Variants in ZNF746 observed in about 807,000 individuals in gnomAD.
The protein encoded by ZNF746 is parkin-interacting substrate.
ZNF746 carries 13 observed loss-of-function variants against 41.0 expected under a neutral mutation model. That is an observed-to-expected ratio of 0.32 (90% CI 0.21 to 0.50). The LOEUF is 0.50. Among genes scored for constraint, ZNF746 ranks in the 20% least tolerant of loss-of-function variants. The probability of loss-of-function intolerance (pLI) is 0.98; values close to 1 mark genes in which losing one functional copy is unlikely to be tolerated. For missense variants in ZNF746, 811 were observed against 922.9 expected, an observed-to-expected ratio of 0.88 and a Z score of 1.57; for synonymous variants, 424 against 396.2, an observed-to-expected ratio of 1.07 and a Z score of -0.83.
chr7:149,492,545 C>A (rs75285834), intron 4 of ZNF746, among the ~76,000 whole-genome samples: 1 of 152,152 alleles, frequency 6.6e-6, no homozygotes, highest in Non-Finnish European at 1.5e-5. Flanking sequence ...CTGGCCCCTG[C>A]GTTAAGGGTC....
chr7:149,497,190 C>G lies in ZNF746; in HGVS notation c.24+323G>C, dbSNP rs1044224248. ...CCGAGCGCCAGGCAGAGAAAGGAGCCGCGGGTGGGGGGGCACCCAGAAGGA... is the reference window on the plus strand; with the variant it reads ...CCGAGCGCCAGGCAGAGAAAGGAGCGGCGGGTGGGGGGGCACCCAGAAGGA... On this transcript the variant is annotated intron_variant, in intron 1 of 6. Transcript: ENST00000458143. The surrounding 1 kb of genome is among the most constrained non-coding windows in gnomAD (Gnocchi z 4.2). 8.1e-6 allele frequency: 8 copies of G among 985,110 alleles called. No homozygotes were observed. In the African/African-American group the frequency reaches 1.4e-4, roughly 17 times the overall value. The allele number at this position is 985,110 out of a possible 1,614,324, so 61.0% of individuals were successfully genotyped here. A position where few individuals can be genotyped will look rare whatever the true frequency, so the allele number is the denominator to read the frequency against.
intron 3 of ZNF746, among the ~76,000 whole-genome samples, chr7:149,493,208 C>T (rs1273337604): frequency 6.6e-6 from 1 of 152,114 alleles, no homozygotes; most frequent in Admixed American, 6.5e-5. Flanking sequence ...CCTGAGAGGC[C>T]AGGGCTGCTG....
At chr7:149,495,810 G>T (rs1240669896) in intron 1 of ZNF746, among the ~76,000 whole-genome samples, 1 of 152,184 alleles carries the variant, frequency 6.6e-6, no homozygotes, top group African/African-American at 2.4e-5. Context: ...TATCTATTTG[G>T]AAGGAAGCAG....
At chr7:149,482,470 T>TG (rs1413325040) in intron 4 of ZNF746, among the ~76,000 whole-genome samples, 4 of 151,442 alleles carry the variant, frequency 2.6e-5, no homozygotes, top group African/African-American at 9.7e-5. Flanking sequence ...TTCTAAGGTT[T>TG]TTTTTTTTTT....
intron 1 of ZNF746, among the ~76,000 whole-genome samples, chr7:149,496,659 G>A (rs61441007): frequency 0.018 from 2,723 of 152,218 alleles, 66 homozygotes; most frequent in South Asian, 0.077. Context: ...AGCTGGGCCT[G>A]AAATCCTAGC....
At chr7:149,479,270 A>G (rs1448645145) in intron 4 of ZNF746, among the ~76,000 whole-genome samples, 1 of 152,196 alleles carries the variant, frequency 6.6e-6, no homozygotes. Flanking sequence ...AAAAACCTTA[A>G]AAGGTACCCA....
Position 149,497,081 on chromosome 7 carries a change from G to A in ZNF746, c.24+432C>T. 7.1e-6 allele frequency: 7 copies of A among 985,382 alleles called. No homozygotes were observed. The highest frequency in any genetic ancestry group is 8.4e-6 in the Non-Finnish European group (7 of 829,908). The allele number at this position is 985,382 out of a possible 1,614,324, so 61.0% of individuals were successfully genotyped here. ...ACCCCGGGAAGCTGGGCACGTAGTG[G>A]GAGTCGGTGTATGCGGATTCGAAGC... On this transcript the variant is annotated intron_variant, in intron 1 of 6. Coordinates refer to ENST00000458143, the MANE Select transcript of ZNF746 (RefSeq NM_001394198.1). The surrounding 1 kb of genome is among the most constrained non-coding windows in gnomAD (Gnocchi z 4.2).
chr7:149,494,238 C>T lies in ZNF746; in HGVS notation c.290G>A (p.Arg97Gln), dbSNP rs751256661. ...LLRNRNFWIL[R>Q]LPPGSKGESP... ...CTCCCCCTTGCTGCCCGGGGGCAGCCGCAGGATCCAGAAGTTCCTGTTGCG... is the reference window on the plus strand; with the variant it reads ...CTCCCCCTTGCTGCCCGGGGGCAGCTGCAGGATCCAGAAGTTCCTGTTGCG... The change falls in exon 2 of 7, where the codon CGG becomes CAG. Residue 97 changes from arginine to glutamine, a missense_variant. By Grantham distance (43) the Arg-to-Gln change is conservative (BLOSUM62 1). Around this residue, in one of 4 missense-constraint regions of ZNF746, gnomAD observed 147 missense variants for 233.4 expected, o/e 0.63. Coordinates refer to ENST00000458143, the MANE Select transcript of ZNF746 (RefSeq NM_001394198.1). The surrounding 1 kb of genome is among the most constrained non-coding windows in gnomAD (Gnocchi z 5.6). 5.6e-6 allele frequency: 9 copies of T among 1,614,028 alleles called. No homozygotes were observed. The African/African-American group carries it at 8.0e-5, about 14-fold the overall frequency.
At position 149,474,653 on chromosome 7, in the gene ZNF746, G is replaced by A; in HGVS notation, c.1714C>T (p.His572Tyr). ...RFTERSKLIDHYRTHTGVRPF... is the reference protein window; with the variant it reads ...RFTERSKLIDYYRTHTGVRPF... ...CGCACGCCCGTGTGCGTTCGGTAGT[G>A]GTCGATGAGCTTGGAGCGTTCGGTG... Residue 572 changes from histidine to tyrosine, a missense_variant, in exon 7 of 7, where the codon CAC becomes TAC. By Grantham distance (83) the His-to-Tyr change is moderately conservative. Coordinates refer to ENST00000458143, the MANE Select transcript of ZNF746 (RefSeq NM_001394198.1). The surrounding 1 kb of genome is among the most constrained non-coding windows in gnomAD (Gnocchi z 6.3). 6.2e-7 allele frequency: 1 copy of A among 1,613,700 alleles called. No homozygotes were observed. The highest frequency in any genetic ancestry group is 8.5e-7 in the Non-Finnish European group (1 of 1,179,854).
rs1203216435 is a variant in ZNF746, at chr7:149,475,235, C to T, written c.1132G>A (p.Val378Met). Reference protein sequence around the residue: ...ERDMGELSPAVAQEETPPGDW... With the variant: ...ERDMGELSPAMAQEETPPGDW... The stretch of plus-strand genomic sequence containing the variant: ...CCAGGAGGGGTCTCCTCCTGGGCCA[C>T]AGCAGGACTGAGCTCACCCATGTCC... The change falls in exon 7 of 7, where the codon GTG becomes ATG. Residue 378 changes from valine to methionine, a missense_variant. Val to Met is a conservative substitution (Grantham distance 21, BLOSUM62 1). Coordinates refer to ENST00000458143, the MANE Select transcript of ZNF746 (RefSeq NM_001394198.1). 6.2e-7 allele frequency: 1 copy of T among 1,613,120 alleles called. No homozygotes were observed. The highest frequency in any genetic ancestry group is 8.5e-7 in the Non-Finnish European group (1 of 1,179,678).
At chr7:149,495,892 G>A (rs1446073760) in intron 1 of ZNF746, among the ~76,000 whole-genome samples, 1 of 152,156 alleles carries the variant, frequency 6.6e-6, no homozygotes, top group Admixed American at 6.5e-5. Flanking sequence ...CTGTTTCTAG[G>A]CGAAAACCCC....
intron 3 of ZNF746, among the ~76,000 whole-genome samples, chr7:149,493,672 A>G (rs1800887956): frequency 6.6e-6 from 1 of 152,208 alleles, no homozygotes; most frequent in South Asian, 2.1e-4. Context: ...ATGTGAGTCA[A>G]TTACATACTG....
intron 1 of ZNF746, among the ~76,000 whole-genome samples, chr7:149,495,705 A>T (rs1800973948): frequency 6.6e-6 from 1 of 152,260 alleles, no homozygotes; most frequent in South Asian, 2.1e-4. Flanking sequence ...AGTCACTGAG[A>T]ACTAGAATGC....
rs1217321284 is a variant in ZNF746, at chr7:149,474,808, G to A, written c.1559C>T (p.Ala520Val). ...ACACCGAAGGGCGCTGCCATCCCGTGCGCTGCCCCCACCGCTGCCGCCACC... is the reference window on the plus strand; with the variant it reads ...ACACCGAAGGGCGCTGCCATCCCGTACGCTGCCCCCACCGCTGCCGCCACC... ...GGGGGSGGGSARDGSALRCGE... is the reference protein window; with the variant it reads ...GGGGGSGGGSVRDGSALRCGE... Residue 520 changes from alanine (A) to valine (V), a missense_variant, in exon 7 of 7, where the codon GCA (alanine) becomes GTA (valine). Physicochemically the swap from Ala to Val is moderately conservative, Grantham distance 64. This residue lies in a region of ZNF746 where 495 missense variants were observed against 481.6 expected (regional missense o/e 1.03). Transcript: ENST00000458143. This position sits in a 1 kb window ranked among gnomAD's most constrained non-coding sequence, Gnocchi z 6.3. 8 of 1,501,470 alleles carry A rather than the reference G, an allele frequency of 5.3e-6. No homozygotes were observed. Among genetic ancestry groups the A allele is most frequent in the Non-Finnish European group, 7.1e-6 (8 of 1,129,178 alleles). The allele number at this position is 1,501,470 out of a possible 1,614,324, so 93.0% of individuals were successfully genotyped here. A position where few individuals can be genotyped will look rare whatever the true frequency, so the allele number is the denominator to read the frequency against.
chr7:149,478,821 G>C lies in ZNF746; in HGVS notation c.566-1066C>G, dbSNP rs1309817073. Among the ~76,000 whole-genome samples the C allele has an allele frequency of 2.0e-5, 3 of 152,310 alleles. No homozygotes were observed. In the South Asian group the frequency reaches 6.2e-4, roughly 32 times the overall value. On this transcript the variant is annotated intron_variant, in intron 4 of 6. Transcript: ENST00000458143. ...AGAACAGCAAATTATTTTGAAAAAG[G>C]CAGATTTGAAAAAGAACTCAACATT... is the stretch of plus-strand genomic sequence containing the variant.
At chr7:149,487,078 C>T (rs1338067293) in intron 4 of ZNF746, among the ~76,000 whole-genome samples, 3 of 152,128 alleles carry the variant, frequency 2.0e-5, no homozygotes, top group South Asian at 2.1e-4. Flanking sequence ...TCAGTGGTGG[C>T]ATTAGAGTCT....
chr7:149,490,702 T>G (rs573929985), intron 4 of ZNF746: 1 of 152,636 alleles, frequency 6.6e-6, no homozygotes, highest in Admixed American at 6.6e-5. Context: ...GTCGTCACAG[T>G]CACGGATGGC....
rs1800177227 is a variant in ZNF746 at position 149,473,697 on chromosome 7, C to CCAAGTGTG, written c.*686_*687insCACACTTG. On this transcript the variant is annotated 3_prime_UTR_variant, in exon 7 of 7. Transcript: ENST00000458143. ...GTCCTTATGAGGCCAGGGAGTCACA[C>CCAAGTGTG]ACTAGGGGACACCACCAAGTGCCCT... is the stretch of plus-strand genomic sequence containing the variant. 1 of 154,134 alleles carries CCAAGTGTG rather than the reference C, an allele frequency of 6.5e-6. No homozygotes were observed. Among genetic ancestry groups the CCAAGTGTG allele is most frequent in the Non-Finnish European group, 1.4e-5 (1 of 69,138 alleles). The allele number at this position is 154,134 out of a possible 1,614,324, so 9.5% of individuals were successfully genotyped here. A position where few individuals can be genotyped will look rare whatever the true frequency, so the allele number is the denominator to read the frequency against.
At chr7:149,475,875 A>C (rs34121650) in intron 6 of ZNF746, among the ~76,000 whole-genome samples, 93,845 of 152,124 alleles carry the variant, frequency 0.62, 29,186 homozygotes, top group East Asian at 0.79. Context: ...GGCAGTTTCT[A>C]ACCCACAGCT....
Sources: gnomAD v4.1 joint callset for allele counts (sites outside exome capture counted in the v4.1 genomes callset) on GRCh38, gnomAD v4.1.1 for gene constraint, gnomAD v4.1.1 regional missense constraint, Gnocchi (gnomAD v3.1) non-coding constraint, MANE v1.5 for transcripts, NCBI Gene and HGNC (gene_info 2026-07-23, HGNC 2026-07-21) for gene names.